NRXN3: variants seen among roughly 807,000 people sequenced by gnomAD.
The protein encoded by NRXN3 is neurexin 3.
Under a neutral mutation model 137.6 loss-of-function variants are expected in NRXN3, and 32 were observed. The ratio of observed to expected loss-of-function variants is 0.23; its 90% CI spans 0.18 to 0.31. The LOEUF (loss-of-function observed/expected upper bound fraction) is 0.31. Ranked by LOEUF, NRXN3 falls within the 10% of genes least tolerant of loss-of-function variation. The probability of loss-of-function intolerance (pLI) is 1.00; values close to 1 mark genes in which losing one functional copy is unlikely to be tolerated. For synonymous variants in NRXN3, 798 were observed against 784.5 expected (o/e 1.02, Z -0.29); for missense variants, 1,574 against 2,062.5 (o/e 0.76, Z 4.59).
At chr14:79,352,442 G>T (rs1025798435) in intron 15 of NRXN3, among the ~76,000 whole-genome samples, 4 of 152,150 alleles carry the variant, frequency 2.6e-5, no homozygotes, top group Middle Eastern at 3.4e-3. Context: ...AGGCCTTACT[G>T]GTTCTCATAG....
chr14:78,374,285 T>G (rs2087403533), intron 4 of NRXN3, among the ~76,000 whole-genome samples: 1 of 152,160 alleles, frequency 6.6e-6, no homozygotes, highest in Admixed American at 6.6e-5. Flanking sequence ...AAGCAAATCT[T>G]TAGTATAAGT....
chr14:78,582,826 A>G (rs1338417208), intron 4 of NRXN3, among the ~76,000 whole-genome samples: 1 of 152,214 alleles, frequency 6.6e-6, no homozygotes, highest in South Asian at 2.1e-4. Flanking sequence ...GAAAGTAAAT[A>G]CATTGAAATA....
At chr14:78,844,435 TCA>T (rs1253005567) in intron 10 of NRXN3, among the ~76,000 whole-genome samples, 2 of 152,100 alleles carry the variant, frequency 1.3e-5, no homozygotes, top group Non-Finnish European at 2.9e-5. Flanking sequence ...GCCATTCAAC[TCA>T]CTAGACCTGA....
At chr14:78,722,539 A>G (rs1328562687) in intron 8 of NRXN3, among the ~76,000 whole-genome samples, 1 of 152,164 alleles carries the variant, frequency 6.6e-6, no homozygotes, top group East Asian at 1.9e-4. Flanking sequence ...TCTTCACTAC[A>G]GTTTGGATTA....
At chr14:78,957,165 T>C (rs2099398366) in intron 10 of NRXN3, 77 bp from the exon 11 acceptor site, 2 of 1,475,710 alleles carry the variant, frequency 1.4e-6, no homozygotes, top group Non-Finnish European at 1.9e-6. Context: ...TGTGCACCAG[T>C]GTGGTTTTGA....
intron 10 of NRXN3, among the ~76,000 whole-genome samples, chr14:78,939,834 A>G (rs1315053795): frequency 2.6e-5 from 4 of 152,200 alleles, no homozygotes; most frequent in Non-Finnish European, 5.9e-5. Flanking sequence ...TTTGTTCAGC[A>G]CACACGTGCT....
rs140188309 is a variant in NRXN3 at position 78,853,690 on chromosome 14, G to A, written c.2275+43346G>A. 2.2e-3 allele frequency among the ~76,000 whole-genome samples: 336 copies of A among 152,224 alleles called. 2 individuals carry two copies. The highest frequency in any genetic ancestry group is 7.9e-3 in the African/African-American group (328 of 41,552). On this transcript the variant is annotated intron_variant, in intron 10 of 20. Transcript: ENST00000335750. ...ACTTTCTAGAATTTGGCAATACTAT[G>A]TCTCTCAAAGTTTTCCTAATGAAAT...
chr14:79,269,274 C>T (rs899513370), intron 15 of NRXN3, among the ~76,000 whole-genome samples: 2 of 152,140 alleles, frequency 1.3e-5, no homozygotes, highest in African/African-American at 2.4e-5. Context: ...TTGTCTCGAT[C>T]TCCTGACCTT....
At chr14:78,378,856 G>A (rs2153628523) in intron 4 of NRXN3, among the ~76,000 whole-genome samples, 1 of 152,040 alleles carries the variant, frequency 6.6e-6, no homozygotes, top group African/African-American at 2.4e-5. Context: ...TCCATGAAAA[G>A]AACAACAAAA....
At chr14:78,257,624 T>C (rs2069878640) in intron 2 of NRXN3, among the ~76,000 whole-genome samples, 1 of 152,240 alleles carries the variant, frequency 6.6e-6, no homozygotes. Flanking sequence ...GAGAGCAGCT[T>C]GCTGTTTCCA....
chr14:78,377,679 T>C (rs925887075), intron 4 of NRXN3, among the ~76,000 whole-genome samples: 4 of 152,222 alleles, frequency 2.6e-5, no homozygotes, highest in African/African-American at 9.7e-5. Flanking sequence ...CCTCTCTCTT[T>C]GGCTTGCTTT....
intron 16 of NRXN3, among the ~76,000 whole-genome samples, chr14:79,480,729 A>C (rs2096599905): frequency 6.6e-6 from 1 of 151,988 alleles, no homozygotes; most frequent in Admixed American, 6.6e-5. Flanking sequence ...GTGGTTTTTA[A>C]TGGTTTAGCA....
intron 15 of NRXN3, among the ~76,000 whole-genome samples, chr14:79,347,301 G>A (rs1451470228): frequency 6.6e-6 from 1 of 151,812 alleles, no homozygotes; most frequent in East Asian, 1.9e-4. Context: ...TCTTGACAAA[G>A]TATTAACTTG....
intron 20 of NRXN3, among the ~76,000 whole-genome samples, chr14:79,831,147 A>C (rs2099322032): frequency 6.6e-6 from 1 of 152,124 alleles, no homozygotes; most frequent in Non-Finnish European, 1.5e-5. Context: ...GGGGGTGATG[A>C]GAGAATTTTA....
chr14:79,825,719 CTT>C (rs1279821968), intron 20 of NRXN3, among the ~76,000 whole-genome samples: 1 of 152,154 alleles, frequency 6.6e-6, no homozygotes, highest in African/African-American at 2.4e-5. Flanking sequence ...TAGTCTGAGA[CTT>C]TTCTTTCCAT....
intron 15 of NRXN3, among the ~76,000 whole-genome samples, chr14:79,376,343 T>A (rs938187809): frequency 6.7e-6 from 1 of 150,192 alleles, no homozygotes; most frequent in Non-Finnish European, 1.5e-5. Context: ...CCCCAATGTA[T>A]ATATCATGTG....
Position 79,067,281 on chromosome 14 carries a change from A to T in NRXN3, c.3262+79140A>T, listed in dbSNP as rs2152694405. ...ATGTATCACATTTATTGATTTGCATATGTTGAACCAAACTTGCATCCCAGT... is the reference window on the plus strand; with the variant it reads ...ATGTATCACATTTATTGATTTGCATTTGTTGAACCAAACTTGCATCCCAGT... On this transcript the variant is annotated intron_variant, in intron 15 of 20. Coordinates refer to ENST00000335750, the MANE Select transcript of NRXN3 (RefSeq NM_001330195.2). Among the ~76,000 whole-genome samples the T allele has an allele frequency of 2.0e-5, 3 of 152,288 alleles. No individual in the cohort carries two copies. In the South Asian group the frequency reaches 6.2e-4, roughly 32 times the overall value.
chr14:79,637,975 C>T (rs1026496123), intron 16 of NRXN3, among the ~76,000 whole-genome samples: 2 of 152,000 alleles, frequency 1.3e-5, no homozygotes, highest in Non-Finnish European at 2.9e-5. Context: ...AGTGATCCAC[C>T]TGCCTCGGCC....
At chr14:78,857,201 A>G (rs2099059862) in intron 10 of NRXN3, among the ~76,000 whole-genome samples, 3 of 152,058 alleles carry the variant, frequency 2.0e-5, no homozygotes, top group African/African-American at 7.2e-5. Flanking sequence ...TAGGTTAGGC[A>G]TATTTACTGT....
Sources: allele counts gnomAD v4.1 joint callset (sites outside exome capture counted in the v4.1 genomes callset), GRCh38; gene constraint gnomAD v4.1.1; transcripts MANE v1.5; gene names NCBI Gene and HGNC (gene_info 2026-07-23, HGNC 2026-07-21).